FOXP2: variants seen among roughly 807,000 people sequenced by gnomAD.
FOXP2 encodes forkhead box P2.
Under a neutral mutation model 115.8 loss-of-function variants are expected in FOXP2, and 12 were observed. That is an observed-to-expected ratio of 0.10 (90% CI 0.07 to 0.17). FOXP2 has a LOEUF of 0.17. Among genes scored for constraint, FOXP2 ranks in the 10% least tolerant of loss-of-function variants. FOXP2 has a pLI of 1.00. For synonymous variants in FOXP2, 328 were observed against 297.7 expected, an observed-to-expected ratio of 1.10 and a Z score of -1.05; for missense variants, 629 against 843.5, an observed-to-expected ratio of 0.75 and a Z score of 3.15.
intron 3 of FOXP2, among the ~76,000 whole-genome samples, chr7:114,615,556 C>T (rs183538424): frequency 2.0e-5 from 3 of 152,278 alleles, no homozygotes; most frequent in Non-Finnish European, 2.9e-5. Flanking sequence ...GTTTCCAACT[C>T]GACTTCTCTA....
intron 1 of FOXP2, among the ~76,000 whole-genome samples, chr7:114,129,440 C>A (rs1054072451): frequency 4.6e-5 from 7 of 152,074 alleles, no homozygotes; most frequent in African/African-American, 1.7e-4. Context: ...AGTCTGTTAG[C>A]CACTGTGCAA....
At chr7:114,266,931 T>G (rs992532042) in intron 1 of FOXP2, among the ~76,000 whole-genome samples, 1 of 152,130 alleles carries the variant, frequency 6.6e-6, no homozygotes, top group Non-Finnish European at 1.5e-5. Flanking sequence ...TAATGTCTTA[T>G]AGTAGGTGAT....
intron 3 of FOXP2, among the ~76,000 whole-genome samples, chr7:114,608,810 C>A (rs1044189654): frequency 6.6e-6 from 1 of 152,056 alleles, no homozygotes; most frequent in Non-Finnish European, 1.5e-5. Flanking sequence ...CATTAATAAC[C>A]CTGTACCTGG....
At chr7:114,655,532 A>C (rs556415932) in intron 10 of FOXP2, among the ~76,000 whole-genome samples, 1 of 152,262 alleles carries the variant, frequency 6.6e-6, no homozygotes, top group South Asian at 2.1e-4. Context: ...GCGATATCTG[A>C]AGTGAGGAAC....
chr7:114,235,012 C>T (rs1258364023), intron 1 of FOXP2, among the ~76,000 whole-genome samples: 3 of 152,178 alleles, frequency 2.0e-5, no homozygotes, highest in Non-Finnish European at 4.4e-5. Flanking sequence ...GTTATAATTA[C>T]TTGTTCAATA....
chr7:114,570,895 G>A (rs373353267), intron 3 of FOXP2: 160 of 1,609,956 alleles, frequency 9.9e-5, no homozygotes, highest in Non-Finnish European at 1.3e-4. Flanking sequence ...AGTTACACTG[G>A]GCAATTAGAA....
At chr7:114,601,556 C>T (rs1042795430) in intron 3 of FOXP2, among the ~76,000 whole-genome samples, 22 of 151,936 alleles carry the variant, frequency 1.4e-4, no homozygotes, top group Non-Finnish European at 2.4e-4. Context: ...CCTTTTTAAA[C>T]CTATTAAGGT....
At position 114,148,380 on chromosome 7, in the gene FOXP2, T is replaced by C. The variant is rs1792437109; in HGVS notation, c.-246-14564T>C. ...TCTTTTTCCTTAATTTCTGTAATAC[T>C]CTTACTGGTATTTTTCCAACGTTTG... On this transcript the variant is annotated intron_variant, in intron 1 of 19. Coordinates refer to the FOXP2 transcript ENST00000635638. Among the ~76,000 whole-genome samples, 2 of 152,186 alleles carry C rather than the reference T, an allele frequency of 1.3e-5. 1 individual carries two copies. The highest frequency in any genetic ancestry group is 4.8e-5 in the African/African-American group (2 of 41,454).
At chr7:114,584,439 A>T (rs181012533) in intron 3 of FOXP2, among the ~76,000 whole-genome samples, 27 of 152,256 alleles carry the variant, frequency 1.8e-4, no homozygotes, top group Admixed American at 1.6e-3. Context: ...AAACTTGACA[A>T]TTTTTTAACA....
At position 114,450,109 on chromosome 7, in the gene FOXP2, T is replaced by A. The variant is rs563435064; in HGVS notation, c.168+23430T>A. Among the ~76,000 whole-genome samples the A allele has an allele frequency of 1.6e-4, 25 of 152,262 alleles. No homozygotes were observed. In the South Asian group the frequency reaches 5.2e-3, roughly 32 times the overall value. On this transcript the variant is annotated intron_variant, in intron 2 of 16. Transcript: ENST00000350908. ...CCATTAAATTATTCATTTGCAAATATCAGTAAGTTTTGTAAGCAAACACTA... is the reference window on the plus strand; with the variant it reads ...CCATTAAATTATTCATTTGCAAATAACAGTAAGTTTTGTAAGCAAACACTA...
At chr7:114,526,277 G>A (rs1036275162) in intron 2 of FOXP2, among the ~76,000 whole-genome samples, 49 of 148,340 alleles carry the variant, frequency 3.3e-4, no homozygotes, top group African/African-American at 1.2e-3. Context: ...AGGAATTCGA[G>A]ATCAGCCTGG....
intron 1 of FOXP2, among the ~76,000 whole-genome samples, chr7:114,272,352 G>A (rs2129173172): frequency 6.6e-6 from 1 of 151,542 alleles, no homozygotes; most frequent in Non-Finnish European, 1.5e-5. Context: ...TTCTTTTCTT[G>A]TAATATCTTT....
intron 1 of FOXP2, among the ~76,000 whole-genome samples, chr7:114,118,712 GA>G (rs1260829877): frequency 6.6e-6 from 1 of 151,968 alleles, no homozygotes; most frequent in Non-Finnish European, 1.5e-5. Flanking sequence ...GGATGCCAGC[GA>G]CCCCAAGATC....
chr7:114,391,754 C>T (rs535585455), intron 2 of FOXP2, among the ~76,000 whole-genome samples: 1 of 152,270 alleles, frequency 6.6e-6, no homozygotes, highest in Non-Finnish European at 1.5e-5. Context: ...GAATTATCAA[C>T]TGATCTTGTT....
chr7:114,172,786 A>T lies in FOXP2; in HGVS notation c.-102+9698A>T, dbSNP rs368040504. 8.3e-4 allele frequency among the ~76,000 whole-genome samples: 127 copies of T among 152,296 alleles called. 1 individual carries two copies. Among genetic ancestry groups the T allele is most frequent in the African/African-American group, 2.8e-3 (115 of 41,584 alleles). On this transcript the variant is annotated intron_variant, in intron 1 of 17. Transcript: ENST00000634411. ...AAAAAAGAATTAAAAAGGCAATCTC[A>T]ATGATTCTAAGTAGAATTCTGAGAA...
At chr7:114,182,991 G>A (rs937826803) in intron 1 of FOXP2, among the ~76,000 whole-genome samples, 2 of 152,068 alleles carry the variant, frequency 1.3e-5, no homozygotes, top group African/African-American at 4.8e-5. Context: ...AAAGGCTGAA[G>A]GCTTTTGTAC....
chr7:114,198,855 A>G (rs1793984074), intron 1 of FOXP2, among the ~76,000 whole-genome samples: 1 of 152,188 alleles, frequency 6.6e-6, no homozygotes, highest in Non-Finnish European at 1.5e-5. Flanking sequence ...TTGAAACTGG[A>G]GCCAGCCAGC....
intron 3 of FOXP2, among the ~76,000 whole-genome samples, chr7:114,588,552 C>T (rs897677025): frequency 2.6e-5 from 4 of 152,064 alleles, no homozygotes; most frequent in Non-Finnish European, 5.9e-5. Context: ...TATGATACTG[C>T]TTTTTGTGGT....
At chr7:114,452,999 A>G (rs761844782) in intron 2 of FOXP2, among the ~76,000 whole-genome samples, 5 of 152,096 alleles carry the variant, frequency 3.3e-5, no homozygotes, top group Non-Finnish European at 7.4e-5. Context: ...ATACTTGTCT[A>G]TTTGTTAAAA....
Sources: gnomAD v4.1 joint callset for allele counts (sites outside exome capture counted in the v4.1 genomes callset) on GRCh38, gnomAD v4.1.1 for gene constraint, MANE v1.5 for transcripts, NCBI Gene and HGNC (gene_info 2026-07-23, HGNC 2026-07-21) for gene names.